The following SLC15A5 variants were observed in gnomAD, a reference collection of about 807,000 sequenced individuals.
SLC15A5 encodes the protein solute carrier family 15 member 5.
A neutral mutation model predicts 56.1 loss-of-function variants in SLC15A5; 58 were observed. The observed-to-expected ratio is 1.03, with a 90% confidence interval of 0.84 to 1.29. The LOEUF (loss-of-function observed/expected upper bound fraction) is 1.29. Ranked by LOEUF, SLC15A5 falls within the 50% of genes most tolerant of loss-of-function variation. The probability of loss-of-function intolerance (pLI) is 0.00; values close to 1 mark genes in which losing one functional copy is unlikely to be tolerated. For synonymous variants in SLC15A5, 264 were observed against 250.5 expected, an observed-to-expected ratio of 1.05 and a Z score of -0.51; for missense variants, 681 against 672.1, an observed-to-expected ratio of 1.01 and a Z score of -0.15.
intron 7 of SLC15A5, among the ~76,000 whole-genome samples, chr12:16,197,509 C>A (rs1527009): frequency 0.48 from 72,966 of 151,922 alleles, 18,014 homozygotes; most frequent in South Asian, 0.72. Flanking sequence ...GGGCAAATAA[C>A]TGGACCACTT....
chr12:16,228,986 T>C (rs2136251521), intron 5 of SLC15A5, among the ~76,000 whole-genome samples: 1 of 152,296 alleles, frequency 6.6e-6, no homozygotes, highest in South Asian at 2.1e-4. Flanking sequence ...AACTGCGTAT[T>C]ATAAATCAAT....
intron 3 of SLC15A5, among the ~76,000 whole-genome samples, chr12:16,245,557 AG>A (rs1354004987): frequency 6.6e-6 from 1 of 152,208 alleles, no homozygotes; most frequent in East Asian, 1.9e-4. Context: ...TGACTCCATT[AG>A]GATTTCCTGA....
intron 5 of SLC15A5, among the ~76,000 whole-genome samples, chr12:16,233,865 A>G (rs1410321233): frequency 6.6e-6 from 1 of 152,172 alleles, no homozygotes; most frequent in African/African-American, 2.4e-5. Context: ...TACAAATTAA[A>G]CTATGAGAAG....
chr12:16,235,699 T>C lies in SLC15A5; in HGVS notation c.1162+3982A>G, dbSNP rs1864346682. Reference sequence around the variant, plus strand: ...CTCCTATCAAGTATTTTACAATGGGTACATACCATGATGTTTCTTGGGAAA... The same window carrying C: ...CTCCTATCAAGTATTTTACAATGGGCACATACCATGATGTTTCTTGGGAAA... On this transcript the variant is annotated intron_variant, in intron 5 of 8. Transcript: ENST00000344941. The surrounding 1 kb of genome is among the most constrained non-coding windows in gnomAD (Gnocchi z 4.1). Among the ~76,000 whole-genome samples the C allele has an allele frequency of 1.3e-5, 2 of 152,176 alleles. No individual in the cohort carries two copies. Among genetic ancestry groups the C allele is most frequent in the African/African-American group, 4.8e-5 (2 of 41,466 alleles).
chr12:16,198,915 T>G (rs1863921922), intron 7 of SLC15A5, among the ~76,000 whole-genome samples: 1 of 152,106 alleles, frequency 6.6e-6, no homozygotes, highest in African/African-American at 2.4e-5. Flanking sequence ...CTTGATGCCT[T>G]TGAGCCTCAC....
chr12:16,191,114 G>A (rs1863834765), intron 8 of SLC15A5, among the ~76,000 whole-genome samples: 1 of 152,096 alleles, frequency 6.6e-6, no homozygotes, highest in Non-Finnish European at 1.5e-5. Context: ...CACTAATGCA[G>A]TATTTCAAAT....
intron 7 of SLC15A5, among the ~76,000 whole-genome samples, chr12:16,199,149 G>C (rs1230125901): frequency 6.6e-6 from 1 of 151,856 alleles, no homozygotes; most frequent in African/African-American, 2.4e-5. Context: ...ACAGCCCTTT[G>C]TTACTACAAA....
rs893701284 is a variant in SLC15A5 at position 16,243,287 on chromosome 12, C to T, written c.975+1293G>A. On this transcript the variant is annotated intron_variant, in intron 4 of 8. Coordinates refer to ENST00000344941, the MANE Select transcript of SLC15A5 (RefSeq NM_001170798.1). The surrounding 1 kb of genome is among the most constrained non-coding windows in gnomAD (Gnocchi z 4.4). ...GTACAATGGCATGATCTCTGCTCAC[C>T]GCAACCTCCGCCTCCTGGGTTCAAG... 1.2e-4 allele frequency among the ~76,000 whole-genome samples: 18 copies of T among 151,166 alleles called. No individual in the cohort carries two copies. Among genetic ancestry groups the T allele is most frequent in the South Asian group, 4.2e-4 (2 of 4,804 alleles).
rs1863812549 is a variant in SLC15A5, at chr12:16,188,814, T to C, written c.*854A>G. 6.6e-6 allele frequency: 1 copy of C among 152,230 alleles called. No individual in the cohort carries two copies. The highest frequency in any genetic ancestry group is 2.4e-5 in the African/African-American group (1 of 41,462). The allele number at this position is 152,230 out of a possible 1,614,324, so 9.4% of individuals were successfully genotyped here. On this transcript the variant is annotated 3_prime_UTR_variant, in exon 9 of 9. Transcript: ENST00000344941. ...GCTACTGAGAAACAGACTTTAATTT[T>C]ATTTGATTTTTTAAAAAATGAGTTT...
At chr12:16,200,757 A>G (rs1863947189) in intron 7 of SLC15A5, among the ~76,000 whole-genome samples, 1 of 152,166 alleles carries the variant, frequency 6.6e-6, no homozygotes, top group African/African-American at 2.4e-5. Flanking sequence ...CTCTACCCAG[A>G]AGCACATTTA....
intron 7 of SLC15A5, among the ~76,000 whole-genome samples, chr12:16,199,426 G>GA (rs1863929077): frequency 6.6e-6 from 1 of 151,484 alleles, no homozygotes; most frequent in Admixed American, 6.6e-5. Flanking sequence ...CCTCACCACA[G>GA]AAATCAAGGT....
intron 6 of SLC15A5, among the ~76,000 whole-genome samples, chr12:16,222,948 A>G (rs1282007660): frequency 6.6e-6 from 1 of 152,214 alleles, no homozygotes; most frequent in Non-Finnish European, 1.5e-5. Flanking sequence ...TTGCAGTGTT[A>G]AACAGTGAGG....
At position 16,236,000 on chromosome 12, in the gene SLC15A5, T is replaced by C. The variant is rs1372338490; in HGVS notation, c.1162+3681A>G. 1.3e-5 allele frequency among the ~76,000 whole-genome samples: 2 copies of C among 152,182 alleles called. No homozygotes were observed. Among genetic ancestry groups the C allele is most frequent in the Non-Finnish European group, 2.9e-5 (2 of 68,000 alleles). On this transcript the variant is annotated intron_variant, in intron 5 of 8. Transcript: ENST00000344941. This position sits in a 1 kb window ranked among gnomAD's most constrained non-coding sequence, Gnocchi z 4.1. ...TTTTAAAGAAAAAAGGTATTGCAGTTATGTGAATATATTTCATCTACATTT... is the reference window on the plus strand; with the variant it reads ...TTTTAAAGAAAAAAGGTATTGCAGTCATGTGAATATATTTCATCTACATTT...
intron 5 of SLC15A5, among the ~76,000 whole-genome samples, chr12:16,225,895 G>A (rs1268507757): frequency 6.6e-6 from 1 of 152,192 alleles, no homozygotes. Context: ...CCAGTGCTTA[G>A]GCTGTGGCCT....
intron 3 of SLC15A5, among the ~76,000 whole-genome samples, chr12:16,255,380 A>C (rs1466683233): frequency 6.6e-6 from 1 of 152,158 alleles, no homozygotes; most frequent in Non-Finnish European, 1.5e-5. Context: ...ATGCAAATTT[A>C]AACCACAGCA....
chr12:16,219,502 C>A (rs1864165272), intron 6 of SLC15A5, among the ~76,000 whole-genome samples: 1 of 152,122 alleles, frequency 6.6e-6, no homozygotes, highest in South Asian at 2.1e-4. Context: ...CATACAAGCC[C>A]ATTATTACTC....
intron 7 of SLC15A5, among the ~76,000 whole-genome samples, chr12:16,215,843 T>C (rs1864126218): frequency 1.3e-5 from 2 of 152,190 alleles, no homozygotes; most frequent in Non-Finnish European, 2.9e-5. Flanking sequence ...CACTTTTAAT[T>C]TCATTGCTTC....
chr12:16,219,869 T>C (rs1356183124), intron 6 of SLC15A5, among the ~76,000 whole-genome samples: 1 of 152,148 alleles, frequency 6.6e-6, no homozygotes, highest in African/African-American at 2.4e-5. Flanking sequence ...ATAAAAAATA[T>C]TCAGTGTGTA....
chr12:16,256,660 C>A (rs1864575763), intron 3 of SLC15A5, among the ~76,000 whole-genome samples: 2 of 152,034 alleles, frequency 1.3e-5, no homozygotes, highest in South Asian at 4.2e-4. Flanking sequence ...GAGATCGAGA[C>A]CATCCTGGCT....
Sources: gnomAD v4.1 joint callset for allele counts (sites outside exome capture counted in the v4.1 genomes callset) on GRCh38, gnomAD v4.1.1 for gene constraint, Gnocchi (gnomAD v3.1) non-coding constraint, MANE v1.5 for transcripts, NCBI Gene and HGNC (gene_info 2026-07-23, HGNC 2026-07-21) for gene names.